Variants in BRSK2 observed in about 807,000 individuals in gnomAD.
BRSK2 encodes the protein BR serine/threonine kinase 2.
A neutral mutation model predicts 83.3 loss-of-function variants in BRSK2; 19 were observed. That is an observed-to-expected ratio of 0.23 (90% CI 0.16 to 0.33). The LOEUF (loss-of-function observed/expected upper bound fraction) is 0.33, where lower values mean the gene tolerates loss of function less well. Ranked by LOEUF, BRSK2 falls within the 10% of genes least tolerant of loss-of-function variation. The pLI is 1.00. For synonymous variants in BRSK2, 519 were observed against 435.4 expected, an observed-to-expected ratio of 1.19 and a Z score of -2.39; for missense variants, 798 against 1,042.3, an observed-to-expected ratio of 0.77 and a Z score of 3.23.
intron 1 of BRSK2, among the ~76,000 whole-genome samples, chr11:1,395,405 G>T (rs1452435422): frequency 1.3e-5 from 2 of 152,170 alleles, no homozygotes; most frequent in South Asian, 2.1e-4. Flanking sequence ...CAGGGTGGAG[G>T]CCTCAAGATG....
chr11:1,443,439 C>T, intron 7 of BRSK2, 36 bp downstream of exon 7: 1 of 1,578,848 alleles, frequency 6.3e-7, no homozygotes, highest in South Asian at 1.2e-5. Flanking sequence ...GCCCTGGCCT[C>T]TCCCCAAACC....
intron 8 of BRSK2, among the ~76,000 whole-genome samples, chr11:1,444,423 CCT>C (rs1491131427): frequency 1.4e-4 from 21 of 152,256 alleles, no homozygotes; most frequent in Middle Eastern, 3.4e-3. Flanking sequence ...ACGAGCTGTC[CCT>C]GAGTCAGGGT....
rs939339520 is a variant in BRSK2 at position 1,462,469 on chromosome 11, C to T, written c.*1746C>T. On this transcript the variant is annotated 3_prime_UTR_variant, in exon 20 of 20. Transcript: ENST00000528841. ...TTCTATACATAAGAACAAAAGCAAA[C>T]ACCTAGGACAGCAAACGCCAGGCGG... 4 of 152,266 alleles carry T rather than the reference C, an allele frequency of 2.6e-5. No homozygotes were observed. Among genetic ancestry groups the T allele is most frequent in the Non-Finnish European group, 5.9e-5 (4 of 68,056 alleles). The allele number at this position is 152,266 out of a possible 1,614,324, so 9.4% of individuals were successfully genotyped here. A position where few individuals can be genotyped will look rare whatever the true frequency, so the allele number is the denominator to read the frequency against.
In BRSK2 at chr11:1,462,141, C is replaced by T. The variant is rs976918654; in HGVS notation, c.*1418C>T. ...ACAAAGAGTCGGTGGCGCTCCTCTG[C>T]AGGGCGTTCTGTGCAGAGCGAGGCC... is the stretch of plus-strand genomic sequence containing the variant. On this transcript the variant is annotated 3_prime_UTR_variant, in exon 20 of 20. Transcript: ENST00000528841. 2 of 152,158 alleles carry T rather than the reference C, an allele frequency of 1.3e-5. No homozygotes were observed. Among genetic ancestry groups the T allele is most frequent in the African/African-American group, 4.8e-5 (2 of 41,438 alleles). The allele number at this position is 152,158 out of a possible 1,614,324, so 9.4% of individuals were successfully genotyped here.
At position 1,460,744 on chromosome 11, in the gene BRSK2, A is replaced by G. The variant is rs756634151; in HGVS notation, c.*21A>G. ...CTTAGACACACTAGCCCCCCCCCCC[A>G]GCACAGCACTGACAGCGGCTGCCTC... On this transcript the variant is annotated 3_prime_UTR_variant, in exon 20 of 20. Coordinates refer to ENST00000528841, the MANE Select transcript of BRSK2 (RefSeq NM_001256627.2). The G allele has an allele frequency of 7.8e-3, 5,666 of 729,722 alleles. 21 individuals carry two copies. The highest frequency in any genetic ancestry group is 9.8e-3 in the Non-Finnish European group (5,465 of 559,990). 45.2% of individuals were successfully genotyped at this position (729,722 alleles called of 1,614,324 possible).
At chr11:1,402,474 C>T (rs982279556) in intron 1 of BRSK2, among the ~76,000 whole-genome samples, 7 of 152,366 alleles carry the variant, frequency 4.6e-5, no homozygotes, top group East Asian at 1.9e-4. Context: ...GCCCCGCCTC[C>T]GGGGAGGAGC....
At chr11:1,391,610 A>G (rs1845737296) in intron 1 of BRSK2, among the ~76,000 whole-genome samples, 1 of 152,202 alleles carries the variant, frequency 6.6e-6, no homozygotes, top group South Asian at 2.1e-4. Context: ...CCCTGGCCAC[A>G]GGGCAGGACC....
intron 3 of BRSK2, among the ~76,000 whole-genome samples, chr11:1,440,385 C>T (rs1482605478): frequency 6.6e-6 from 1 of 152,142 alleles, no homozygotes; most frequent in African/African-American, 2.4e-5. Context: ...GCCTGTGCCA[C>T]TGAGGACCAC....
chr11:1,392,694 C>A (rs763380199), intron 1 of BRSK2, among the ~76,000 whole-genome samples: 2 of 152,078 alleles, frequency 1.3e-5, no homozygotes, highest in Non-Finnish European at 2.9e-5. Context: ...GCACCCCCAC[C>A]GGGGCCTGGA....
In BRSK2 at chr11:1,454,597, G is replaced by A. The variant is rs1326757909; in HGVS notation, c.1657G>A (p.Ala553Thr). Reference protein sequence around the residue: ...LSSIKADIVHAFLSIPSLSHS... With the variant: ...LSSIKADIVHTFLSIPSLSHS... The stretch of plus-strand genomic sequence containing the variant: ...CTCCATCAAGGCTGACATCGTGCAC[G>A]CCTTCCTGTCGGTGAGGCCACAGGG... The change falls in exon 16 of 20, where the codon GCC becomes ACC. Residue 553 changes from alanine (A) to threonine (T), a missense_variant. Physicochemically the swap from Ala to Thr is moderately conservative, Grantham distance 58. Coordinates refer to ENST00000528841, the MANE Select transcript of BRSK2 (RefSeq NM_001256627.2). The surrounding 1 kb of genome is among the most constrained non-coding windows in gnomAD (Gnocchi z 5.2). 1.9e-6 allele frequency: 3 copies of A among 1,612,978 alleles called. No individual in the cohort carries two copies. Among genetic ancestry groups the A allele is most frequent in the South Asian group, 1.1e-5 (1 of 91,074 alleles).
At chr11:1,410,460 A>G (rs1308353220) in intron 1 of BRSK2, 1 of 985,456 alleles carries the variant, frequency 1.0e-6, no homozygotes, top group Non-Finnish European at 1.2e-6. Flanking sequence ...GCGCCGTGAA[A>G]GCACCCAGCG....
chr11:1,413,982 G>A (rs533302884), intron 1 of BRSK2, among the ~76,000 whole-genome samples: 2 of 152,330 alleles, frequency 1.3e-5, no homozygotes, highest in East Asian at 1.9e-4. Flanking sequence ...TTCCTCACAC[G>A]GTTTACTGTA....
intron 1 of BRSK2, among the ~76,000 whole-genome samples, chr11:1,404,455 C>T (rs1419439255): frequency 6.6e-6 from 1 of 152,240 alleles, no homozygotes; most frequent in Non-Finnish European, 1.5e-5. Context: ...TGCCTCTGAT[C>T]CTTGCCCTTG....
rs1280166378 is a variant in BRSK2 at position 1,450,775 on chromosome 11, C to T, written c.1476C>T (p.Phe492=). The T allele has an allele frequency of 1.3e-6, 2 of 1,595,046 alleles. No individual in the cohort carries two copies. The highest frequency in any genetic ancestry group is 1.7e-6 in the Non-Finnish European group (2 of 1,173,122). The part of the protein sequence containing the change: ...IKNSFLGSPR[F]HRRKLQVPTP... ...ACAGCTTTCTGGGCTCACCCCGCTT[C>T]CACCGCCGGAAACTGCAAGGTGAGT... The change falls in exon 14 of 20, where the codon TTC becomes TTT. Residue 492 remains phenylalanine (F), a synonymous_variant. Coordinates refer to ENST00000528841, the MANE Select transcript of BRSK2 (RefSeq NM_001256627.2).
chr11:1,411,147 G>A, intron 1 of BRSK2: 1 of 1,221,290 alleles, frequency 8.2e-7, no homozygotes, highest in Admixed American at 4.3e-5. Context: ...TAGGGTGGGG[G>A]CTCCAGTCTC....
chr11:1,437,070 G>A (rs1850415532), intron 2 of BRSK2, among the ~76,000 whole-genome samples: 1 of 152,024 alleles, frequency 6.6e-6, no homozygotes, highest in Admixed American at 6.5e-5. Context: ...TGCCTTGGAG[G>A]AGAAACAGAG....
chr11:1,421,164 G>T (rs554089742), intron 1 of BRSK2, among the ~76,000 whole-genome samples: 1 of 152,330 alleles, frequency 6.6e-6, no homozygotes, highest in South Asian at 2.1e-4. Context: ...CCCAGGCTGC[G>T]CTTCGGAGGG....
At chr11:1,452,165 G>T (rs1344785632) in intron 15 of BRSK2, among the ~76,000 whole-genome samples, 1 of 152,190 alleles carries the variant, frequency 6.6e-6, no homozygotes, top group Admixed American at 6.5e-5. Context: ...GCCAGCTGTG[G>T]ACTGAGTAAG....
intron 16 of BRSK2, among the ~76,000 whole-genome samples, chr11:1,455,065 T>C (rs1394238346): frequency 1.3e-5 from 2 of 152,118 alleles, no homozygotes; most frequent in African/African-American, 4.8e-5. Context: ...TTCCCTGGTC[T>C]CACCCTGCCC....
Sources: allele counts gnomAD v4.1 joint callset (sites outside exome capture counted in the v4.1 genomes callset), GRCh38; gene constraint gnomAD v4.1.1; non-coding constraint Gnocchi (gnomAD v3.1); transcripts MANE v1.5; gene names NCBI Gene and HGNC (gene_info 2026-07-23, HGNC 2026-07-21).